Variants in MTUS2 observed in about 807,000 individuals in gnomAD.
MTUS2 encodes the protein microtubule-associated tumor suppressor candidate 2.
Under a neutral mutation model 114.1 loss-of-function variants are expected in MTUS2, and 40 were observed. The observed-to-expected ratio is 0.35, with a 90% CI of 0.27 to 0.46. MTUS2 has a LOEUF of 0.46. Ranked by LOEUF, MTUS2 falls within the 20% of genes least tolerant of loss-of-function variation. The probability of loss-of-function intolerance (pLI) is 1.00; values close to 1 mark genes in which losing one functional copy is unlikely to be tolerated. For synonymous variants in MTUS2, 688 were observed against 672.0 expected, an observed-to-expected ratio of 1.02 and a Z score of -0.37; for missense variants, 1,679 against 1,705.4, an observed-to-expected ratio of 0.98 and a Z score of 0.27.
chr13:29,121,749 C>T (rs1002521539), intron 5 of MTUS2, among the ~76,000 whole-genome samples: 6 of 152,020 alleles, frequency 3.9e-5, no homozygotes, highest in South Asian at 4.2e-4. Flanking sequence ...CTCCGCCTCC[C>T]GGCTTCAAGC....
At chr13:28,829,407 A>G (rs1339525605) in intron 1 of MTUS2, among the ~76,000 whole-genome samples, 1 of 151,910 alleles carries the variant, frequency 6.6e-6, no homozygotes, top group Non-Finnish European at 1.5e-5. Flanking sequence ...TGGTGTGTGT[A>G]TGTAATCTCA....
intron 4 of MTUS2, among the ~76,000 whole-genome samples, chr13:29,045,870 C>T (rs1490136880): frequency 2.0e-5 from 3 of 152,094 alleles, no homozygotes; most frequent in African/African-American, 2.4e-5. Flanking sequence ...TGAATCATGG[C>T]AGGAACTATA....
At chr13:28,880,302 A>G (rs903837327) in intron 2 of MTUS2, among the ~76,000 whole-genome samples, 8 of 152,236 alleles carry the variant, frequency 5.3e-5, no homozygotes, top group African/African-American at 1.9e-4. Flanking sequence ...ATGAGGAAAA[A>G]AATACATTTT....
At chr13:29,331,898 A>G (rs1900795821) in intron 7 of MTUS2, among the ~76,000 whole-genome samples, 1 of 152,186 alleles carries the variant, frequency 6.6e-6, no homozygotes, top group Admixed American at 6.5e-5. Flanking sequence ...TTTGCATCCT[A>G]GGGATAAAGC....
chr13:29,431,990 G>A (rs1877023538), intron 8 of MTUS2, among the ~76,000 whole-genome samples: 1 of 148,462 alleles, frequency 6.7e-6, no homozygotes, highest in African/African-American at 2.5e-5. Context: ...GACCACAAGT[G>A]TGCACTACCA....
At chr13:28,918,557 C>T (rs1390688495) in intron 2 of MTUS2, among the ~76,000 whole-genome samples, 2 of 151,818 alleles carry the variant, frequency 1.3e-5, no homozygotes, top group African/African-American at 4.8e-5. Context: ...TGTGCATCTT[C>T]ATAGGTGAAG....
intron 8 of MTUS2, among the ~76,000 whole-genome samples, chr13:29,386,847 T>C (rs1263853190): frequency 6.6e-6 from 1 of 152,188 alleles, no homozygotes; most frequent in Non-Finnish European, 1.5e-5. Context: ...AGGTCAGAGC[T>C]GAGTTGGGAG....
At chr13:29,219,499 G>T (rs1350539934) in intron 5 of MTUS2, among the ~76,000 whole-genome samples, 2 of 152,092 alleles carry the variant, frequency 1.3e-5, no homozygotes, top group Admixed American at 6.5e-5. Context: ...GTAATGGGAT[G>T]GCTGGGTCAA....
intron 7 of MTUS2, among the ~76,000 whole-genome samples, chr13:29,348,610 A>G (rs1438785786): frequency 6.6e-6 from 1 of 152,220 alleles, no homozygotes; most frequent in Non-Finnish European, 1.5e-5. Flanking sequence ...CTATACCCTT[A>G]CTGATTTTCT....
intron 5 of MTUS2, chr13:29,250,504 C>T (rs963892808): frequency 4.6e-5 from 7 of 150,834 alleles, no homozygotes; most frequent in Admixed American, 1.3e-4. Context: ...AATTTGCATC[C>T]GAGATCATCT....
In MTUS2 at chr13:29,045,741, A is replaced by G. The variant is rs192672432; in HGVS notation, c.2446+11616A>G. ...GATTACTGAATATCAAAGAAAATCA[A>G]CTGAAATGGTTAGTGCCTCCATCGG... On this transcript the variant is annotated intron_variant, in intron 4 of 15. Transcript: ENST00000612955. Among the ~76,000 whole-genome samples, 1,359 of 152,314 alleles carry G rather than the reference A, an allele frequency of 8.9e-3. 10 individuals are homozygous for G. Among genetic ancestry groups the G allele is most frequent in the South Asian group, 0.025 (120 of 4,806 alleles).
At position 29,024,152 on chromosome 13, in the gene MTUS2, T is replaced by C. The variant is rs548006112; in HGVS notation, c.-242-305T>C. On this transcript the variant is annotated intron_variant, in intron 2 of 15. Transcript: ENST00000612955. ...TTTTCTACATTCGTTGATATTCTTC[T>C]GTAAAGAAGAGCCCTTACTTCTCCT... Among the ~76,000 whole-genome samples, 146 of 152,376 alleles carry C rather than the reference T, an allele frequency of 9.6e-4. 1 individual carries two copies. The highest frequency in any genetic ancestry group is 2.7e-3 in the Admixed American group (41 of 15,298).
chr13:29,360,374 T>C (rs985790202), intron 8 of MTUS2, among the ~76,000 whole-genome samples: 2 of 152,146 alleles, frequency 1.3e-5, no homozygotes, highest in African/African-American at 4.8e-5. Context: ...TGGCAGCTCC[T>C]TTTTGGCCTT....
chr13:29,336,300 G>A, intron 7 of MTUS2, among the ~76,000 whole-genome samples: 1 of 152,124 alleles, frequency 6.6e-6, no homozygotes, highest in East Asian at 1.9e-4. Context: ...GGTCTTTGAT[G>A]TTGGTGACCT....
intron 4 of MTUS2, among the ~76,000 whole-genome samples, chr13:29,094,412 G>C (rs1890092610): frequency 6.6e-6 from 1 of 151,384 alleles, no homozygotes; most frequent in South Asian, 2.1e-4. Context: ...TCTTGATTCA[G>C]CTTTTATAGT....
chr13:28,820,668 T>C (rs1401891680), intron 1 of MTUS2, 57 bp downstream of exon 1: 1 of 152,100 alleles, frequency 6.6e-6, no homozygotes, highest in Admixed American at 6.5e-5. Flanking sequence ...GCTGCCGCCC[T>C]CTGGACCCGC....
At chr13:29,209,411 GC>G (rs1395271254) in intron 5 of MTUS2, among the ~76,000 whole-genome samples, 4 of 151,380 alleles carry the variant, frequency 2.6e-5, no homozygotes, top group African/African-American at 9.7e-5. Flanking sequence ...GAACATTTAG[GC>G]CATTTACATT....
At chr13:28,877,985 C>T (rs1434607209) in intron 2 of MTUS2, among the ~76,000 whole-genome samples, 1 of 152,086 alleles carries the variant, frequency 6.6e-6, no homozygotes. Flanking sequence ...CTACTGACCT[C>T]CTGAGTTCAG....
At chr13:29,500,519 A>C (rs1336533092) in intron 14 of MTUS2, among the ~76,000 whole-genome samples, 2 of 152,162 alleles carry the variant, frequency 1.3e-5, no homozygotes. Context: ...GGGATAATGT[A>C]CCCAGCTGCT....
Sources: allele counts gnomAD v4.1 joint callset (sites outside exome capture counted in the v4.1 genomes callset), GRCh38; gene constraint gnomAD v4.1.1; transcripts MANE v1.5; gene names NCBI Gene and HGNC (gene_info 2026-07-23, HGNC 2026-07-21).